Variants in CAMK2D observed in about 807,000 individuals in gnomAD.
CAMK2D encodes the protein calcium/calmodulin-dependent protein kinase type II subunit delta.
Under a neutral mutation model 84.0 loss-of-function variants are expected in CAMK2D, and 37 were observed. That is an observed-to-expected ratio of 0.44 (90% CI 0.34 to 0.58). The LOEUF is 0.58. Among genes scored for constraint, CAMK2D ranks in the 20% least tolerant of loss-of-function variants. CAMK2D has a pLI of 0.02. For missense variants in CAMK2D, 448 were observed against 652.5 expected, an observed-to-expected ratio of 0.69 and a Z score of 3.41; for synonymous variants, 202 against 212.5, an observed-to-expected ratio of 0.95 and a Z score of 0.43.
intron 16 of CAMK2D, among the ~76,000 whole-genome samples, chr4:113,487,415 G>GGA (rs1185351697): frequency 6.6e-6 from 1 of 151,732 alleles, no homozygotes; most frequent in African/African-American, 2.4e-5. Flanking sequence ...ACTCAGCAAA[G>GGA]GAGACATTAT....
At chr4:113,612,229 C>A (rs1026814036) in intron 3 of CAMK2D, among the ~76,000 whole-genome samples, 1 of 152,138 alleles carries the variant, frequency 6.6e-6, no homozygotes, top group African/African-American at 2.4e-5. Flanking sequence ...TCTAAACGGT[C>A]TGGAAGATAG....
rs754452376 is a variant in CAMK2D, at chr4:113,454,497, T to G, written c.*48A>C. 7.7e-6 allele frequency: 6 copies of G among 778,580 alleles called. No homozygotes were observed. The highest frequency in any genetic ancestry group is 1.7e-5 in the African/African-American group (1 of 58,986). 48.2% of individuals were successfully genotyped at this position (778,580 alleles called of 1,614,324 possible). ...GCCTTGAGAACAGAGAATGCAGAAG[T>G]GGCACTGTTGAAATTTAGCTGAAAG... On this transcript the variant is annotated 3_prime_UTR_variant, in exon 21 of 21. Transcript: ENST00000511664.
intron 3 of CAMK2D, among the ~76,000 whole-genome samples, chr4:113,657,892 A>T (rs1168357324): frequency 6.6e-6 from 1 of 152,190 alleles, no homozygotes; most frequent in Non-Finnish European, 1.5e-5. Flanking sequence ...TTTTAAAACC[A>T]AGGAAATAAT....
At chr4:113,696,338 G>A (rs576511981) in intron 2 of CAMK2D, among the ~76,000 whole-genome samples, 9 of 152,040 alleles carry the variant, frequency 5.9e-5, no homozygotes, top group Non-Finnish European at 1.0e-4. Context: ...TAAGCTCCAT[G>A]GAGGTAGGCA....
intron 8 of CAMK2D, among the ~76,000 whole-genome samples, chr4:113,529,993 T>C (rs2098447369): frequency 6.6e-6 from 1 of 152,210 alleles, no homozygotes; most frequent in Non-Finnish European, 1.5e-5. Flanking sequence ...ATCCTGGATA[T>C]ACTGAATCAG....
intron 2 of CAMK2D, among the ~76,000 whole-genome samples, chr4:113,705,178 T>G (rs143325449): frequency 0.1 from 15,142 of 147,252 alleles, 1,025 homozygotes; most frequent in East Asian, 0.21. Flanking sequence ...AAAAAAAAAA[T>G]TAGCCGGGCG....
At position 113,451,905 on chromosome 4, in the gene CAMK2D, A is replaced by T. The variant is rs1476909943; in HGVS notation, c.*2640T>A. Reference sequence around the variant, plus strand: ...GTACACTGAATCTTAGGAAAAAGTAAGAAGTCGGGAAAAGAAGTAGGGGAA... The same window carrying T: ...GTACACTGAATCTTAGGAAAAAGTATGAAGTCGGGAAAAGAAGTAGGGGAA... On this transcript the variant is annotated 3_prime_UTR_variant, in exon 21 of 21. Coordinates refer to ENST00000511664, the MANE Select transcript of CAMK2D (RefSeq NM_001321571.2). The T allele has an allele frequency of 1.3e-5, 2 of 152,076 alleles. No individual in the cohort carries two copies. Among genetic ancestry groups the T allele is most frequent in the Non-Finnish European group, 2.9e-5 (2 of 67,974 alleles). The allele number at this position is 152,076 out of a possible 1,614,324, so 9.4% of individuals were successfully genotyped here. A position where few individuals can be genotyped will look rare whatever the true frequency, so the allele number is the denominator to read the frequency against.
chr4:113,456,617 A>T (rs1412440502), intron 19 of CAMK2D: 2 of 152,204 alleles, frequency 1.3e-5, no homozygotes, highest in Non-Finnish European at 2.9e-5. Context: ...CCAAACTGTT[A>T]TAAACAGTTT....
intron 4 of CAMK2D, among the ~76,000 whole-genome samples, chr4:113,561,901 C>G (rs2098700360): frequency 6.6e-6 from 1 of 152,148 alleles, no homozygotes; most frequent in Non-Finnish European, 1.5e-5. Context: ...CATCAGACAA[C>G]AGATTTCTTA....
intron 4 of CAMK2D, among the ~76,000 whole-genome samples, chr4:113,601,008 A>G (rs1229202141): frequency 6.6e-6 from 1 of 152,246 alleles, no homozygotes; most frequent in East Asian, 1.9e-4. Flanking sequence ...AAGAAACAAA[A>G]TAGAAATAGG....
intron 16 of CAMK2D, among the ~76,000 whole-genome samples, chr4:113,497,617 C>A (rs1424279233): frequency 6.6e-6 from 1 of 152,174 alleles, no homozygotes; most frequent in African/African-American, 2.4e-5. Flanking sequence ...CTTCCTTTGA[C>A]CGGGTTACCA....
At chr4:113,679,233 T>C (rs555700333) in intron 2 of CAMK2D, among the ~76,000 whole-genome samples, 5 of 152,250 alleles carry the variant, frequency 3.3e-5, no homozygotes, top group African/African-American at 1.2e-4. Context: ...AAAGAGCTCA[T>C]TAAACTTTCA....
intron 3 of CAMK2D, among the ~76,000 whole-genome samples, chr4:113,618,288 T>C (rs2099030160): frequency 6.6e-6 from 1 of 152,208 alleles, no homozygotes; most frequent in Non-Finnish European, 1.5e-5. Context: ...AGAACATTTA[T>C]CTTGCCAAAC....
chr4:113,455,578 T>A, intron 20 of CAMK2D, 148 bp downstream of exon 20: 1 of 503,446 alleles, frequency 2.0e-6, no homozygotes, highest in Non-Finnish European at 3.7e-6. Context: ...CAAAAGCTCA[T>A]GCAAAATTGC....
At chr4:113,609,957 C>A (rs1444847908) in intron 3 of CAMK2D, among the ~76,000 whole-genome samples, 1 of 152,158 alleles carries the variant, frequency 6.6e-6, no homozygotes, top group African/African-American at 2.4e-5. Flanking sequence ...GAACTACAAA[C>A]CGCTGTATCT....
chr4:113,565,438 G>A (rs1303713055), intron 4 of CAMK2D, among the ~76,000 whole-genome samples: 2 of 152,182 alleles, frequency 1.3e-5, no homozygotes, highest in South Asian at 4.1e-4. Flanking sequence ...ATCAGTTGAG[G>A]CCAGGAGTTC....
chr4:113,646,586 A>C (rs2099152874), intron 3 of CAMK2D, among the ~76,000 whole-genome samples: 1 of 152,214 alleles, frequency 6.6e-6, no homozygotes, highest in Non-Finnish European at 1.5e-5. Flanking sequence ...TATCCTCAGA[A>C]AGAACTCCAG....
At chr4:113,669,079 G>A (rs1468374348) in intron 2 of CAMK2D, among the ~76,000 whole-genome samples, 1 of 152,026 alleles carries the variant, frequency 6.6e-6, no homozygotes, top group Admixed American at 6.5e-5. Flanking sequence ...CATCTATTCA[G>A]AGATATAACA....
intron 5 of CAMK2D, chr4:113,548,759 G>A (rs765360497): frequency 1.8e-6 from 2 of 1,141,718 alleles, no homozygotes; most frequent in Admixed American, 3.6e-5. Flanking sequence ...GAATGGAAGG[G>A]AGAACATTTT....
Sources: gnomAD v4.1 joint callset for allele counts (sites outside exome capture counted in the v4.1 genomes callset) on GRCh38, gnomAD v4.1.1 for gene constraint, MANE v1.5 for transcripts, NCBI Gene and HGNC (gene_info 2026-07-23, HGNC 2026-07-21) for gene names.